LGR5: variants seen among roughly 807,000 people sequenced by gnomAD.
LGR5 encodes leucine-rich repeat-containing G protein-coupled receptor 5.
In LGR5, 54 loss-of-function variants were observed where a neutral mutation model predicts 76.7. The observed-to-expected ratio is 0.70, with a 90% CI of 0.57 to 0.88. The LOEUF is 0.88. Ranked by LOEUF, LGR5 falls within the 40% of genes least tolerant of loss-of-function variation. LGR5 has a pLI of 0.00. For missense variants in LGR5, 1,078 were observed against 1,073.3 expected (o/e 1.00, Z -0.06); for synonymous variants, 406 against 421.9 (o/e 0.96, Z 0.46).
At chr12:71,583,017 G>A (rs1879160104) in intron 17 of LGR5, among the ~76,000 whole-genome samples, 1 of 144,526 alleles carries the variant, frequency 6.9e-6, no homozygotes, top group Non-Finnish European at 1.5e-5. Flanking sequence ...GGAAGGGAAG[G>A]GAAGGAAAGA....
intron 1 of LGR5, among the ~76,000 whole-genome samples, chr12:71,445,373 A>C (rs1871940400): frequency 6.6e-6 from 1 of 152,164 alleles, no homozygotes; most frequent in Non-Finnish European, 1.5e-5. Context: ...GCTATTTTTG[A>C]TGTATCTTGG....
chr12:71,473,550 G>T (rs925126545), intron 1 of LGR5, among the ~76,000 whole-genome samples: 2 of 151,814 alleles, frequency 1.3e-5, no homozygotes, highest in African/African-American at 2.4e-5. Context: ...GAGGTGGGAG[G>T]ATCCCTTGAA....
intron 2 of LGR5, among the ~76,000 whole-genome samples, chr12:71,515,439 T>C (rs903894938): frequency 6.6e-6 from 1 of 152,236 alleles, no homozygotes; most frequent in African/African-American, 2.4e-5. Flanking sequence ...TAAAAGACTT[T>C]TCAGAAATTT....
At chr12:71,470,513 T>C (rs1280702565) in intron 1 of LGR5, among the ~76,000 whole-genome samples, 1 of 152,158 alleles carries the variant, frequency 6.6e-6, no homozygotes, top group Admixed American at 6.5e-5. Flanking sequence ...TATCCATAGG[T>C]CTATAGATAT....
rs61737423 is a variant in LGR5 at position 71,583,995 on chromosome 12, G to A, written c.1985G>A (p.Arg662His). Residue 662 changes from arginine to histidine, a missense_variant, in exon 18 of 18, where the codon CGT becomes CAT. By Grantham distance (29) the Arg-to-His change is conservative (BLOSUM62 0). Transcript: ENST00000266674. ...CTGCTTACTCTGGCAGCCCTGGAGCGTGGGTTCTCTGTGAAATATTCTGCA... is the reference window on the plus strand; with the variant it reads ...CTGCTTACTCTGGCAGCCCTGGAGCATGGGTTCTCTGTGAAATATTCTGCA... ...VFLLTLAALE[R>H]GFSVKYSAKF... 2.2e-4 allele frequency: 351 copies of A among 1,614,160 alleles called. No homozygotes were observed. The African/African-American group carries it at 2.6e-3, about 12-fold the overall frequency.
chr12:71,536,148 G>A (rs986410470), intron 4 of LGR5, among the ~76,000 whole-genome samples: 2 of 152,162 alleles, frequency 1.3e-5, no homozygotes, highest in Admixed American at 6.5e-5. Context: ...GTTGTAGTTC[G>A]TGATGAGGAA....
intron 1 of LGR5, among the ~76,000 whole-genome samples, chr12:71,461,828 G>A (rs1221374037): frequency 6.6e-6 from 1 of 151,992 alleles, no homozygotes; most frequent in African/African-American, 2.4e-5. Context: ...CCTTTTCTTA[G>A]TCCTCAATCA....
At chr12:71,442,541 T>G (rs977932014) in intron 1 of LGR5, among the ~76,000 whole-genome samples, 15 of 152,244 alleles carry the variant, frequency 9.9e-5, no homozygotes, top group African/African-American at 3.4e-4. Context: ...TTATTTCTAA[T>G]GCAACACAGT....
At chr12:71,450,852 A>G (rs1434307636) in intron 1 of LGR5, among the ~76,000 whole-genome samples, 2 of 152,082 alleles carry the variant, frequency 1.3e-5, no homozygotes, top group African/African-American at 2.4e-5. Flanking sequence ...ACTCTCTTCA[A>G]GATGCACCTC....
chr12:71,564,716 CA>C lies in LGR5; in HGVS notation c.858-1687del, dbSNP rs1878240439. Among the ~76,000 whole-genome samples the C allele has an allele frequency of 9.7e-4, 11 of 11,300 alleles. 1 individual carries two copies. The Admixed American group carries it at 0.028, about 28-fold the overall frequency. The allele number at this position is 11,300 out of a possible 152,430, so 7.4% of individuals were successfully genotyped here. ...TATATGTACACACACTGTATATATACATATATACATATATGTACACACACTG... is the reference window on the plus strand; with the variant it reads ...TATATGTACACACACTGTATATATACTATATACATATATGTACACACACTG... On this transcript the variant is annotated intron_variant, in intron 8 of 17. Coordinates refer to ENST00000266674, the MANE Select transcript of LGR5 (RefSeq NM_003667.4).
chr12:71,483,766 G>A (rs1335161227), intron 1 of LGR5, among the ~76,000 whole-genome samples: 1 of 152,116 alleles, frequency 6.6e-6, no homozygotes, highest in African/African-American at 2.4e-5. Context: ...GTGTGTTTGT[G>A]TGTGTGGTGT....
intron 1 of LGR5, among the ~76,000 whole-genome samples, chr12:71,496,436 G>A (rs1462847174): frequency 2.0e-5 from 3 of 149,814 alleles, no homozygotes; most frequent in African/African-American, 4.9e-5. Flanking sequence ...ACAACAAATG[G>A]AAACTACTGG....
chr12:71,509,344 C>T (rs917671779), intron 2 of LGR5, among the ~76,000 whole-genome samples: 1 of 152,168 alleles, frequency 6.6e-6, no homozygotes, highest in African/African-American at 2.4e-5. Flanking sequence ...TTTTAACCCC[C>T]TCTTTTCTTT....
chr12:71,565,472 C>CAT lies in LGR5; in HGVS notation c.858-916_858-915dup, dbSNP rs3070195. ...TCATATATAGACATATATACATATA[C>CAT]ATATATATATATATATAACACATAC... On this transcript the variant is annotated intron_variant, in intron 8 of 17. Transcript: ENST00000266674. Among the ~76,000 whole-genome samples the CAT allele has an allele frequency of 7.6e-3, 1,087 of 143,832 alleles. 13 individuals carry two copies. The highest frequency in any genetic ancestry group is 0.027 in the African/African-American group (1,015 of 37,560). 94.4% of individuals were successfully genotyped at this position (143,832 alleles called of 152,430 possible).
chr12:71,535,421 C>T (rs1876536785), intron 4 of LGR5, among the ~76,000 whole-genome samples: 1 of 151,994 alleles, frequency 6.6e-6, no homozygotes, highest in Admixed American at 6.5e-5. Flanking sequence ...CATCTCCAGT[C>T]CAAAGCACTA....
intron 2 of LGR5, among the ~76,000 whole-genome samples, chr12:71,517,227 G>C (rs558880910): frequency 3.9e-4 from 60 of 152,276 alleles, no homozygotes; most frequent in African/African-American, 1.4e-3. Context: ...AATAAAAGGG[G>C]AATGATTTCC....
chr12:71,558,199 TG>T (rs1233254583), intron 6 of LGR5, among the ~76,000 whole-genome samples: 1 of 152,210 alleles, frequency 6.6e-6, no homozygotes, highest in African/African-American at 2.4e-5. Flanking sequence ...TACAAAACGC[TG>T]GGCTCAGAAA....
Position 71,566,384 on chromosome 12 carries a change from G to A in LGR5, c.858-20G>A. 1.3e-6 allele frequency: 2 copies of A among 1,487,222 alleles called. No individual in the cohort carries two copies. The highest frequency in any genetic ancestry group is 1.2e-5 in the South Asian group (1 of 85,796). The allele number at this position is 1,487,222 out of a possible 1,614,324, so 92.1% of individuals were successfully genotyped here. A position where few individuals can be genotyped will look rare whatever the true frequency, so the allele number is the denominator to read the frequency against. ...CAAATTTTATACTAAGATATTAATT[G>A]CTGTTTGGGTTTCTTTTAGACATTT... On this transcript the variant is annotated intron_variant, in intron 8 of 17. Coordinates refer to ENST00000266674, the MANE Select transcript of LGR5 (RefSeq NM_003667.4).
At chr12:71,513,352 G>T (rs1875264933) in intron 2 of LGR5, among the ~76,000 whole-genome samples, 1 of 152,212 alleles carries the variant, frequency 6.6e-6, no homozygotes, top group Admixed American at 6.5e-5. Flanking sequence ...ATGGTTTTCT[G>T]ATAGCCAATG....
Sources: gnomAD v4.1 joint callset for allele counts (sites outside exome capture counted in the v4.1 genomes callset) on GRCh38, gnomAD v4.1.1 for gene constraint, MANE v1.5 for transcripts, NCBI Gene and HGNC (gene_info 2026-07-23, HGNC 2026-07-21) for gene names.